Variants in EYA1 observed in about 807,000 individuals in gnomAD.
EYA1 encodes the protein protein phosphatase EYA1.
A neutral mutation model predicts 82.0 loss-of-function variants in EYA1; 16 were observed. That is an observed-to-expected ratio of 0.20 (90% CI 0.13 to 0.30). The LOEUF (loss-of-function observed/expected upper bound fraction) is 0.30. Among genes scored for constraint, EYA1 ranks in the 10% least tolerant of loss-of-function variants. The pLI is 1.00. For missense variants in EYA1, 633 were observed against 730.7 expected, an observed-to-expected ratio of 0.87 and a Z score of 1.54; for synonymous variants, 261 against 264.4, an observed-to-expected ratio of 0.99 and a Z score of 0.12.
upstream of EYA1, among the ~76,000 whole-genome samples, chr8:71,365,685 C>A (rs891111455): frequency 2.6e-5 from 4 of 152,066 alleles, no homozygotes; most frequent in African/African-American, 9.7e-5. Flanking sequence ...CTTTATGGAG[C>A]CTTTGGAACC....
At chr8:71,521,444 T>G (rs552159726) in intron 2 of EYA1, among the ~76,000 whole-genome samples, 118 of 152,244 alleles carry the variant, frequency 7.8e-4, no homozygotes, top group African/African-American at 2.6e-3. Flanking sequence ...AGTTCCAAAT[T>G]TTGTTATATT....
intron 3 of EYA1, among the ~76,000 whole-genome samples, chr8:71,336,980 T>C (rs1199791760): frequency 6.6e-6 from 1 of 152,206 alleles, no homozygotes; most frequent in Non-Finnish European, 1.5e-5. Context: ...TAGCCAAACA[T>C]ACATCCACCA....
At chr8:71,481,880 A>C (rs2129212767) in intron 2 of EYA1, among the ~76,000 whole-genome samples, 1 of 152,206 alleles carries the variant, frequency 6.6e-6, no homozygotes, top group Non-Finnish European at 1.5e-5. Context: ...GGAGAAACAA[A>C]ATATTTTAGT....
At chr8:71,478,699 G>T (rs1215992944) in intron 2 of EYA1, among the ~76,000 whole-genome samples, 6 of 152,142 alleles carry the variant, frequency 3.9e-5, no homozygotes. Flanking sequence ...GGAAATAGCT[G>T]CTGGGCCCTT....
chr8:71,422,466 C>T (rs1220209400), intron 2 of EYA1, among the ~76,000 whole-genome samples: 4 of 152,094 alleles, frequency 2.6e-5, no homozygotes, highest in Non-Finnish European at 4.4e-5. Context: ...AGACTCATTC[C>T]GAATGTGTTC....
chr8:71,276,397 T>A (rs1182001686), intron 9 of EYA1, among the ~76,000 whole-genome samples: 1 of 152,164 alleles, frequency 6.6e-6, no homozygotes, highest in East Asian at 1.9e-4. Flanking sequence ...TACCTTTTGA[T>A]CTCCTGACCT....
chr8:71,521,079 AT>A (rs1156567727), intron 2 of EYA1, among the ~76,000 whole-genome samples: 1 of 152,046 alleles, frequency 6.6e-6, no homozygotes, highest in East Asian at 1.9e-4. Context: ...AAAAAAAAAA[AT>A]CTTTATTTTT....
At chr8:71,405,223 T>C (rs890353637) in intron 2 of EYA1, among the ~76,000 whole-genome samples, 2 of 151,998 alleles carry the variant, frequency 1.3e-5, no homozygotes, top group Non-Finnish European at 2.9e-5. Flanking sequence ...CAGATTCAGC[T>C]AGTCCATTTC....
intron 2 of EYA1, among the ~76,000 whole-genome samples, chr8:71,434,107 T>G (rs1050050257): frequency 2.6e-5 from 4 of 152,190 alleles, no homozygotes; most frequent in Admixed American, 2.0e-4. Flanking sequence ...AAGATAACTC[T>G]AAGATTCTGT....
At chr8:71,280,234 A>G (rs572530407) in intron 9 of EYA1, among the ~76,000 whole-genome samples, 5 of 152,344 alleles carry the variant, frequency 3.3e-5, no homozygotes, top group African/African-American at 9.6e-5. Context: ...CCAGAAAATG[A>G]GCTAAGCTGA....
intron 2 of EYA1, among the ~76,000 whole-genome samples, chr8:71,380,062 T>C (rs1828608467): frequency 6.6e-6 from 1 of 152,198 alleles, no homozygotes; most frequent in Non-Finnish European, 1.5e-5. Flanking sequence ...AGACTCTTCT[T>C]GCACGATGTT....
chr8:71,214,531 G>C (rs1456367368), intron 16 of EYA1, among the ~76,000 whole-genome samples: 4 of 152,194 alleles, frequency 2.6e-5, no homozygotes, highest in Admixed American at 2.0e-4. Flanking sequence ...GCACATTCAA[G>C]CACTTAGCAA....
intron 11 of EYA1, among the ~76,000 whole-genome samples, chr8:71,264,693 T>C (rs1365019675): frequency 6.6e-6 from 1 of 151,584 alleles, no homozygotes; most frequent in African/African-American, 2.4e-5. Context: ...TCCTCCTACC[T>C]CAGCCCTCCC....
intron 9 of EYA1, among the ~76,000 whole-genome samples, chr8:71,285,318 A>G (rs73288376): frequency 0.097 from 14,739 of 151,886 alleles, 848 homozygotes; most frequent in Non-Finnish European, 0.13. Context: ...CATATACTTT[A>G]AGAAAAACAC....
At chr8:71,206,690 T>TTAA (rs10630306) in intron 17 of EYA1, among the ~76,000 whole-genome samples, 24,716 of 152,106 alleles carry the variant, frequency 0.16, 2,159 homozygotes, top group Middle Eastern at 0.21. Context: ...TTATGAGGAT[T>TTAA]TAATGAGAAA....
intron 1 of EYA1, among the ~76,000 whole-genome samples, chr8:71,360,770 A>T (rs2129077627): frequency 6.6e-6 from 1 of 152,370 alleles, no homozygotes; most frequent in East Asian, 1.9e-4. Context: ...CTATGTGCTT[A>T]CTATCGACCT....
rs148973681 is a variant in EYA1, at chr8:71,299,225, C to T, written c.648G>A (p.Pro216=). ...GACCCTGGCCAAAACTGGGATAAGA[C>T]GGATAGTCCTACCAAATCAAACCAC... ...SGFNSSQQDY[P]SYPSFGQGQY... is the part of the protein sequence containing the mutation. Residue 216 remains proline (P), a synonymous_variant, in exon 9 of 18, where the codon CCG becomes CCA. Coordinates refer to ENST00000340726, the MANE Select transcript of EYA1 (RefSeq NM_000503.6). The T allele has an allele frequency of 4.7e-4, 760 of 1,614,008 alleles. No homozygotes were observed. Among genetic ancestry groups the T allele is most frequent in the African/African-American group, 1.7e-3 (126 of 75,016 alleles).
At chr8:71,380,373 C>T (rs1828629638) in intron 2 of EYA1, among the ~76,000 whole-genome samples, 1 of 152,104 alleles carries the variant, frequency 6.6e-6, no homozygotes, top group South Asian at 2.1e-4. Context: ...GTTTTTATGA[C>T]TGAAATAGCA....
At chr8:71,469,660 G>C (rs563698913) in intron 2 of EYA1, among the ~76,000 whole-genome samples, 23 of 152,116 alleles carry the variant, frequency 1.5e-4, no homozygotes, top group Non-Finnish European at 3.2e-4. Context: ...TTTGGACTTA[G>C]GTGAATGCCC....
Sources: gnomAD v4.1 joint callset for allele counts (sites outside exome capture counted in the v4.1 genomes callset) on GRCh38, gnomAD v4.1.1 for gene constraint, MANE v1.5 for transcripts, NCBI Gene and HGNC (gene_info 2026-07-23, HGNC 2026-07-21) for gene names.